STAT3: variants seen among roughly 807,000 people sequenced by gnomAD.
STAT3 encodes the protein DNA-binding protein APRF.
In STAT3, 7 loss-of-function variants were observed where a neutral mutation model predicts 114.3. The ratio of observed to expected loss-of-function variants is 0.06; its 90% CI spans 0.03 to 0.11. The LOEUF (loss-of-function observed/expected upper bound fraction) is 0.11. STAT3 is among the 10% of genes least tolerant of loss of function. The pLI, the probability that STAT3 is intolerant of heterozygous loss-of-function variation, is 1.00. For synonymous variants in STAT3, 331 were observed against 354.5 expected (o/e 0.93, Z 0.74); for missense variants, 364 against 960.9 (o/e 0.38, Z 8.21).
intron 23 of STAT3, 65 bp from the exon 24 acceptor site, chr17:42,315,865 C>A: frequency 6.2e-7 from 1 of 1,612,790 alleles, no homozygotes; most frequent in Non-Finnish European, 8.5e-7. Context: ...GGCCACGCCC[C>A]CAGCCCTTCA....
At chr17:42,320,775 A>C (rs940823543) in intron 21 of STAT3, among the ~76,000 whole-genome samples, 3 of 151,748 alleles carry the variant, frequency 2.0e-5, no homozygotes, top group Non-Finnish European at 2.9e-5. Flanking sequence ...ATGATTACAG[A>C]AAGTTAAATC....
intron 22 of STAT3, 87 bp from the exon 23 acceptor site, chr17:42,316,988 C>A: frequency 6.4e-7 from 1 of 1,567,572 alleles, no homozygotes; most frequent in South Asian, 1.2e-5. Context: ...CACACACACA[C>A]AAGCCATCAA....
At chr17:42,321,798 TG>T in intron 21 of STAT3, among the ~76,000 whole-genome samples, 1 of 152,308 alleles carries the variant, frequency 6.6e-6, no homozygotes, top group South Asian at 2.1e-4. Context: ...AGGCATGTTT[TG>T]GGGGACGTAT....
At chr17:42,350,351 T>G (rs2082886920) in intron 1 of STAT3, among the ~76,000 whole-genome samples, 1 of 152,152 alleles carries the variant, frequency 6.6e-6, no homozygotes, top group Admixed American at 6.6e-5. Context: ...GTGGAACCTC[T>G]AACTCCTGCA....
chr17:42,338,619 C>T, intron 6 of STAT3, 112 bp downstream of exon 6: 1 of 1,016,388 alleles, frequency 9.8e-7, no homozygotes, highest in South Asian at 1.3e-5. Context: ...CCCGTACCTC[C>T]CTTGCGCCCC....
Position 42,315,705 on chromosome 17 carries a change from G to A in STAT3, c.*40C>T, listed in dbSNP as rs758935946. 47 of 1,592,504 alleles carry A rather than the reference G, an allele frequency of 3.0e-5. No homozygotes were observed. The highest frequency in any genetic ancestry group is 8.9e-5 in the East Asian group (4 of 44,780). On this transcript the variant is annotated 3_prime_UTR_variant, in exon 24 of 24. Coordinates refer to ENST00000264657, the MANE Select transcript of STAT3 (RefSeq NM_139276.3). ...GAGGGGTGGCAGAATGCAGGTAGGCGCCTCAGTCGTATCTTTCTGCAGCTT... is the reference window on the plus strand; with the variant it reads ...GAGGGGTGGCAGAATGCAGGTAGGCACCTCAGTCGTATCTTTCTGCAGCTT...
At chr17:42,348,074 T>C (rs374733039) in intron 2 of STAT3, among the ~76,000 whole-genome samples, 10 of 152,150 alleles carry the variant, frequency 6.6e-5, no homozygotes, top group African/African-American at 2.4e-4. Context: ...AGAGAAAAAA[T>C]ATGTCTACCA....
intron 1 of STAT3, among the ~76,000 whole-genome samples, chr17:42,358,933 CTT>C (rs35099574): frequency 0.069 from 6,957 of 100,396 alleles, 655 homozygotes; most frequent in African/African-American, 0.26. Flanking sequence ...ACATTTCTTA[CTT>C]TTTTTTTTTT....
intron 1 of STAT3, among the ~76,000 whole-genome samples, chr17:42,376,389 T>C (rs531455375): frequency 2.0e-4 from 30 of 150,656 alleles, no homozygotes; most frequent in African/African-American, 5.8e-4. Context: ...TCTACTAAAA[T>C]TACAAAAATT....
At chr17:42,371,709 C>T (rs1436877400) in intron 1 of STAT3, among the ~76,000 whole-genome samples, 1 of 146,814 alleles carries the variant, frequency 6.8e-6, no homozygotes, top group Non-Finnish European at 1.5e-5. Context: ...AGGCCAGGTG[C>T]GGTGGCTCAT....
In STAT3 at chr17:42,331,405, ATG is replaced by A; in HGVS notation, c.1109+65_1109+66del. 6 of 1,372,912 alleles carry A rather than the reference ATG, an allele frequency of 4.4e-6. No homozygotes were observed. The South Asian group carries it at 7.2e-5, about 17-fold the overall frequency. 85.0% of individuals were successfully genotyped at this position (1,372,912 alleles called of 1,614,324 possible). A position where few individuals can be genotyped will look rare whatever the true frequency, so the allele number is the denominator to read the frequency against. On this transcript the variant is annotated intron_variant, in intron 11 of 23. Transcript: ENST00000264657. Reference sequence around the variant, plus strand: ...AAAGACAGAGTCTCTAGTTCAAATGATGTCTGTCAAAGTTCTCATTTTTCTAT... The same window carrying A: ...AAAGACAGAGTCTCTAGTTCAAATGATCTGTCAAAGTTCTCATTTTTCTAT...
At chr17:42,326,012 C>G in intron 15 of STAT3, 104 bp downstream of exon 15, 1 of 1,078,270 alleles carries the variant, frequency 9.3e-7, no homozygotes, top group Non-Finnish European at 1.4e-6. Flanking sequence ...CAGTGTTAAG[C>G]AAACAGTAAT....
intron 1 of STAT3, among the ~76,000 whole-genome samples, chr17:42,353,483 C>T (rs947589279): frequency 1.3e-5 from 2 of 152,102 alleles, no homozygotes; most frequent in African/African-American, 4.8e-5. Flanking sequence ...GACAATGTAG[C>T]CAAAAAGCGG....
At chr17:42,356,390 G>A (rs1199383103) in intron 1 of STAT3, among the ~76,000 whole-genome samples, 5 of 151,998 alleles carry the variant, frequency 3.3e-5, no homozygotes, top group Non-Finnish European at 7.4e-5. Flanking sequence ...AGGAAGTCAA[G>A]GCTGCAGTGA....
At chr17:42,338,900 T>A in intron 5 of STAT3, 88 bp from the exon 6 acceptor site, 1 of 1,253,084 alleles carries the variant, frequency 8.0e-7, no homozygotes, top group Non-Finnish European at 1.1e-6. Flanking sequence ...AGAATTCAAA[T>A]GAAGCCAAAA....
Position 42,337,973 on chromosome 17 carries a change from A to G in STAT3, c.551-116T>C. 1 of 489,252 alleles carries G rather than the reference A, an allele frequency of 2.0e-6. No individual in the cohort carries two copies. The allele number at this position is 489,252 out of a possible 1,614,324, so 30.3% of individuals were successfully genotyped here. A position where few individuals can be genotyped will look rare whatever the true frequency, so the allele number is the denominator to read the frequency against. On this transcript the variant is annotated intron_variant, in intron 6 of 23. Coordinates refer to ENST00000264657, the MANE Select transcript of STAT3 (RefSeq NM_139276.3). The surrounding 1 kb of genome is among the most constrained non-coding windows in gnomAD (Gnocchi z 4.0). ...AGGGAATACTCCTGGACCTGAGGGAATACTCCTGGACCTGAGGGAATACTC... is the reference window on the plus strand; with the variant it reads ...AGGGAATACTCCTGGACCTGAGGGAGTACTCCTGGACCTGAGGGAATACTC...
At chr17:42,344,430 A>G (rs2144962069) in intron 4 of STAT3, among the ~76,000 whole-genome samples, 1 of 150,570 alleles carries the variant, frequency 6.6e-6, no homozygotes. Context: ...CAAAAAAAAA[A>G]AAAAGGCTGG....
chr17:42,367,961 G>C (rs923254569), intron 1 of STAT3, among the ~76,000 whole-genome samples: 2 of 152,168 alleles, frequency 1.3e-5, no homozygotes, highest in Non-Finnish European at 2.9e-5. Flanking sequence ...CCTTAAGTAG[G>C]AGACAATAGG....
intron 1 of STAT3, among the ~76,000 whole-genome samples, chr17:42,365,696 C>T (rs1428295189): frequency 7.0e-6 from 1 of 143,564 alleles, no homozygotes; most frequent in African/African-American, 2.6e-5. Context: ...TGCTCTGTTG[C>T]CCAGGATGGA....
Sources: gnomAD v4.1 joint callset for allele counts (sites outside exome capture counted in the v4.1 genomes callset) on GRCh38, gnomAD v4.1.1 for gene constraint, Gnocchi (gnomAD v3.1) non-coding constraint, MANE v1.5 for transcripts, NCBI Gene and HGNC (gene_info 2026-07-23, HGNC 2026-07-21) for gene names.